The following ABHD2 variants were observed in gnomAD, a reference collection of about 807,000 sequenced individuals.
ABHD2 encodes the protein abhydrolase domain containing 2, acylglycerol lipase.
A neutral mutation model predicts 48.1 loss-of-function variants in ABHD2; 20 were observed. The observed-to-expected ratio is 0.42, with a 90% confidence interval of 0.29 to 0.60. ABHD2 has a LOEUF of 0.60. Among genes scored for constraint, ABHD2 ranks in the 20% least tolerant of loss-of-function variants. The probability of loss-of-function intolerance (pLI) is 0.24; values close to 1 mark genes in which losing one functional copy is unlikely to be tolerated. For synonymous variants in ABHD2, 209 were observed against 214.2 expected, an observed-to-expected ratio of 0.98 and a Z score of 0.21; for missense variants, 405 against 550.9, an observed-to-expected ratio of 0.74 and a Z score of 2.65.
At chr15:89,098,643 CA>C (rs1340455090) in intron 1 of ABHD2, among the ~76,000 whole-genome samples, 10 of 152,180 alleles carry the variant, frequency 6.6e-5, no homozygotes, top group African/African-American at 2.4e-4. Flanking sequence ...TCATTCTTGT[CA>C]ATGATGTTGA....
At position 89,189,164 on chromosome 15, in the gene ABHD2, C is replaced by A. The variant is rs2051263167; in HGVS notation, c.926+861C>A. On this transcript the variant is annotated intron_variant, in intron 8 of 10. Transcript: ENST00000352732. The surrounding 1 kb of genome is among the most constrained non-coding windows in gnomAD (Gnocchi z 4.9). ...AGTTGACCTCTGATCTCATCATTCT[C>A]TTTAAATACGTGATCCTTTTCATTT... is the stretch of plus-strand genomic sequence containing the variant. Among the ~76,000 whole-genome samples, 3 of 152,184 alleles carry A rather than the reference C, an allele frequency of 2.0e-5. No homozygotes were observed. The highest frequency in any genetic ancestry group is 7.2e-5 in the African/African-American group (3 of 41,454).
intron 2 of ABHD2, among the ~76,000 whole-genome samples, chr15:89,115,629 T>C (rs999243448): frequency 1.8e-4 from 27 of 152,172 alleles, no homozygotes; most frequent in African/African-American, 6.5e-4. Context: ...CAAAACAAAC[T>C]AGCCGAGCTC....
chr15:89,163,412 C>A (rs191862173), intron 5 of ABHD2, among the ~76,000 whole-genome samples: 9 of 152,358 alleles, frequency 5.9e-5, no homozygotes, highest in Non-Finnish European at 1.2e-4. Flanking sequence ...ACAGCAGTTA[C>A]CATTTATCTC....
rs766615406 is a variant in ABHD2, at chr15:89,188,456, A to G, written c.926+153A>G. Among the ~76,000 whole-genome samples, 1 of 152,256 alleles carries G rather than the reference A, an allele frequency of 6.6e-6. No individual in the cohort carries two copies. Among genetic ancestry groups the G allele is most frequent in the South Asian group, 2.1e-4 (1 of 4,838 alleles). ...AAGTAAGTGTCTAGTGCTTAAAAAC[A>G]GAAGATTTCACAGGAACATTTAAAT... On this transcript the variant is annotated intron_variant, in intron 8 of 10. Transcript: ENST00000352732. The surrounding 1 kb of genome is among the most constrained non-coding windows in gnomAD (Gnocchi z 4.1).
At chr15:89,123,316 G>A (rs2050080608) in intron 3 of ABHD2, among the ~76,000 whole-genome samples, 1 of 152,146 alleles carries the variant, frequency 6.6e-6, no homozygotes, top group Admixed American at 6.5e-5. Flanking sequence ...ACTCACCGGA[G>A]TACAAGCTCC....
At chr15:89,075,857 G>T in the ABHD2 span, among the ~76,000 whole-genome samples, 1 of 152,224 alleles carries the variant, frequency 6.6e-6, no homozygotes, top group Non-Finnish European at 1.5e-5. This position sits in a 1 kb window ranked among gnomAD's most constrained non-coding sequence, Gnocchi z 4.1. Context: ...AGGAAAACCA[G>T]AGGTGCTTCC....
chr15:89,078,722 A>AG, the ABHD2 span, among the ~76,000 whole-genome samples: 3 of 121,748 alleles, frequency 2.5e-5, no homozygotes, highest in East Asian at 2.3e-4. Flanking sequence ...CTGACAATGT[A>AG]GGCTTTTTTT....
the ABHD2 span, among the ~76,000 whole-genome samples, chr15:89,066,210 C>T: frequency 1.3e-5 from 2 of 152,166 alleles, no homozygotes; most frequent in Admixed American, 1.3e-4. Context: ...AATTTGTTCT[C>T]TCACAGTTCT....
intron 8 of ABHD2, among the ~76,000 whole-genome samples, chr15:89,190,286 G>A (rs1035188021): frequency 3.9e-5 from 6 of 152,150 alleles, no homozygotes; most frequent in African/African-American, 1.4e-4. Flanking sequence ...AACCTTGAGG[G>A]GCCTCTGGGA....
chr15:89,154,614 C>G, intron 4 of ABHD2, among the ~76,000 whole-genome samples: 1 of 151,974 alleles, frequency 6.6e-6, no homozygotes, highest in Admixed American at 6.5e-5. Context: ...TTTTTTTTCT[C>G]CACACAAAAG....
the ABHD2 span, among the ~76,000 whole-genome samples, chr15:89,056,569 G>C: frequency 4.2e-4 from 64 of 152,208 alleles, no homozygotes; most frequent in African/African-American, 1.5e-3. Context: ...CGTGAACCCG[G>C]GAGGTGGAAT....
chr15:89,043,718 G>A, the ABHD2 span, among the ~76,000 whole-genome samples: 1 of 138,022 alleles, frequency 7.2e-6, no homozygotes, highest in Non-Finnish European at 1.6e-5. Context: ...GGAAGAGGAG[G>A]GAGAAGGAGG....
Position 89,143,088 on chromosome 15 carries a change from A to C in ABHD2, c.195-8589A>C, listed in dbSNP as rs148447470. ...ATTTACTACAAAGACTGGAGTCATT[A>C]ATCGTTTTTTTGTCCGTGTCATATA... On this transcript the variant is annotated intron_variant, in intron 3 of 10. Transcript: ENST00000352732. Among the ~76,000 whole-genome samples, 546 of 152,228 alleles carry C rather than the reference A, an allele frequency of 3.6e-3. 6 individuals are homozygous for C. Among genetic ancestry groups the C allele is most frequent in the African/African-American group, 0.012 (511 of 41,520 alleles).
chr15:89,043,654 AGGAGGAGGAGAG>A, the ABHD2 span, among the ~76,000 whole-genome samples: 4 of 123,124 alleles, frequency 3.2e-5, no homozygotes, highest in Admixed American at 3.3e-4. Flanking sequence ...AAGGAGAAGG[AGGAGGAGGAGAG>A]GGAGGAGGAG....
the ABHD2 span, among the ~76,000 whole-genome samples, chr15:89,045,860 C>T: frequency 6.6e-6 from 1 of 152,158 alleles, no homozygotes; most frequent in Non-Finnish European, 1.5e-5. Flanking sequence ...AATTTGACTT[C>T]CTCTTTTCCT....
intron 3 of ABHD2, among the ~76,000 whole-genome samples, chr15:89,131,894 A>T (rs1010503795): frequency 1.3e-5 from 2 of 152,168 alleles, no homozygotes; most frequent in African/African-American, 4.8e-5. Flanking sequence ...TTGAAGAACC[A>T]GCATAAGCAG....
chr15:89,119,175 G>C (rs142068399), intron 3 of ABHD2, among the ~76,000 whole-genome samples: 3 of 152,282 alleles, frequency 2.0e-5, no homozygotes, highest in Admixed American at 1.3e-4. Context: ...TATGTGAAGG[G>C]ACAAATTCTC....
At chr15:89,055,323 C>CTTTTTTT in the ABHD2 span, among the ~76,000 whole-genome samples, 2 of 124,786 alleles carry the variant, frequency 1.6e-5, no homozygotes, top group African/African-American at 3.0e-5. Flanking sequence ...ACACTAGTTT[C>CTTTTTTT]TTTTTTTTTT....
At chr15:89,056,762 T>A in the ABHD2 span, among the ~76,000 whole-genome samples, 1 of 152,160 alleles carries the variant, frequency 6.6e-6, no homozygotes, top group Non-Finnish European at 1.5e-5. Flanking sequence ...AGTGAGTCAT[T>A]CACCTCACTG....
Sources: gnomAD v4.1 joint callset for allele counts (sites outside exome capture counted in the v4.1 genomes callset) on GRCh38, gnomAD v4.1.1 for gene constraint, Gnocchi (gnomAD v3.1) non-coding constraint, MANE v1.5 for transcripts, NCBI Gene and HGNC (gene_info 2026-07-23, HGNC 2026-07-21) for gene names.